TRIM44: variants seen among roughly 807,000 people sequenced by gnomAD.
TRIM44 encodes the protein tripartite motif containing 44.
A neutral mutation model predicts 37.4 loss-of-function variants in TRIM44; 13 were observed. The observed-to-expected ratio is 0.35, with a 90% confidence interval of 0.23 to 0.55. The LOEUF (loss-of-function observed/expected upper bound fraction) is 0.55, where lower values mean the gene tolerates loss of function less well. Among genes scored for constraint, TRIM44 ranks in the 20% least tolerant of loss-of-function variants. TRIM44 has a pLI of 0.89. For missense variants in TRIM44, 426 were observed against 437.2 expected, an observed-to-expected ratio of 0.97 and a Z score of 0.23; for synonymous variants, 175 against 157.2, an observed-to-expected ratio of 1.11 and a Z score of -0.85.
intron 4 of TRIM44, among the ~76,000 whole-genome samples, chr11:35,798,869 G>T (rs548094235): frequency 5.9e-5 from 9 of 152,302 alleles, no homozygotes; most frequent in African/African-American, 2.2e-4. Context: ...TATAGAAGGT[G>T]TATGGGGAAA....
Position 35,788,958 on chromosome 11 carries a change from T to C in TRIM44, c.1008-17400T>C, listed in dbSNP as rs753037208. On this transcript the variant is annotated intron_variant, in intron 4 of 4. Transcript: ENST00000299413. ...TCTTCTTTTTAACTCCTTTTTTCTT[T>C]CTTGTGTATATTTCAGCCTGAGGCC... Among the ~76,000 whole-genome samples, 75 of 152,348 alleles carry C rather than the reference T, an allele frequency of 4.9e-4. 1 individual carries two copies. The highest frequency in any genetic ancestry group is 1.4e-3 in the Admixed American group (22 of 15,310).
intron 1 of TRIM44, among the ~76,000 whole-genome samples, chr11:35,674,232 T>TTGTGTG (rs1590493418): frequency 9.2e-6 from 1 of 109,112 alleles, no homozygotes; most frequent in African/African-American, 4.1e-5. Context: ...GAGAGAGAAT[T>TTGTGTG]TGCGTGTGTG....
chr11:35,684,338 T>C (rs1851550960), intron 1 of TRIM44, among the ~76,000 whole-genome samples: 1 of 152,252 alleles, frequency 6.6e-6, no homozygotes, highest in African/African-American at 2.4e-5. Flanking sequence ...TACATCAAAA[T>C]CAATTTTACT....
intron 4 of TRIM44, among the ~76,000 whole-genome samples, chr11:35,763,990 G>A (rs1236457381): frequency 1.3e-5 from 2 of 152,132 alleles, no homozygotes; most frequent in African/African-American, 4.8e-5. Flanking sequence ...ACAGATGTTA[G>A]CCAGGAGGTC....
At chr11:35,694,904 C>A (rs1393977356) in intron 2 of TRIM44, among the ~76,000 whole-genome samples, 1 of 152,080 alleles carries the variant, frequency 6.6e-6, no homozygotes, top group Non-Finnish European at 1.5e-5. Flanking sequence ...CATAAAAAAG[C>A]TTCCTGGTGA....
intron 4 of TRIM44, among the ~76,000 whole-genome samples, chr11:35,777,405 C>T (rs11500306): frequency 0.026 from 3,899 of 152,178 alleles, 125 homozygotes; most frequent in African/African-American, 0.073. Flanking sequence ...TTGACTCTAT[C>T]CAGTTTGCCA....
At chr11:35,750,342 A>G (rs1454400983) in intron 4 of TRIM44, among the ~76,000 whole-genome samples, 1 of 152,188 alleles carries the variant, frequency 6.6e-6, no homozygotes, top group Non-Finnish European at 1.5e-5. Flanking sequence ...GCAGCCTACT[A>G]AAACATTCAT....
At chr11:35,747,682 A>G (rs549943478) in intron 4 of TRIM44, among the ~76,000 whole-genome samples, 1 of 152,160 alleles carries the variant, frequency 6.6e-6, no homozygotes, top group South Asian at 2.1e-4. Context: ...GAAAGTGCCT[A>G]AGGTGGAATG....
intron 2 of TRIM44, among the ~76,000 whole-genome samples, chr11:35,725,074 A>T (rs774198115): frequency 0.054 from 6,030 of 110,726 alleles, 390 homozygotes; most frequent in African/African-American, 0.15. Flanking sequence ...ACTCACACAC[A>T]CACACACACA....
chr11:35,743,384 G>A (rs945038313), intron 4 of TRIM44, among the ~76,000 whole-genome samples: 1 of 152,114 alleles, frequency 6.6e-6, no homozygotes, highest in Non-Finnish European at 1.5e-5. Flanking sequence ...GAATCTTACA[G>A]GTTTCTTCCT....
chr11:35,742,984 A>G (rs1398611335), intron 4 of TRIM44, among the ~76,000 whole-genome samples: 2 of 151,808 alleles, frequency 1.3e-5, no homozygotes, highest in Non-Finnish European at 1.5e-5. Flanking sequence ...GCTCTTAACT[A>G]TTGCAGTATA....
intron 2 of TRIM44, among the ~76,000 whole-genome samples, chr11:35,696,378 G>T (rs978973155): frequency 6.6e-6 from 1 of 151,032 alleles, no homozygotes; most frequent in African/African-American, 2.4e-5. Flanking sequence ...TCCTGACCTC[G>T]TGATCCACCT....
chr11:35,686,819 A>T (rs1291033336), intron 2 of TRIM44, among the ~76,000 whole-genome samples: 1 of 152,024 alleles, frequency 6.6e-6, no homozygotes, highest in Non-Finnish European at 1.5e-5. Context: ...CAGTCTCCCA[A>T]AGTGCTGGGA....
At chr11:35,761,154 A>G (rs1409368821) in intron 4 of TRIM44, among the ~76,000 whole-genome samples, 1 of 152,150 alleles carries the variant, frequency 6.6e-6, no homozygotes, top group Non-Finnish European at 1.5e-5. Context: ...CTAGTATTCC[A>G]TTGTGTATAT....
intron 4 of TRIM44, among the ~76,000 whole-genome samples, chr11:35,757,594 G>T (rs1363165282): frequency 1.3e-5 from 2 of 152,246 alleles, no homozygotes; most frequent in African/African-American, 4.8e-5. Flanking sequence ...TGATGTTAGG[G>T]TGTCAATTTT....
In TRIM44 at chr11:35,726,179, A is replaced by G; in HGVS notation, c.987+16A>G. ...AAAGGCAGAGGTAAAGGAAAAGCCC[A>G]TAATTATTAGTAGCAAGAGAAATAG... On this transcript the variant is annotated intron_variant, in intron 3 of 4. Transcript: ENST00000299413. The G allele has an allele frequency of 6.2e-7, 1 of 1,610,608 alleles. No homozygotes were observed. The highest frequency in any genetic ancestry group is 8.5e-7 in the Non-Finnish European group (1 of 1,177,776).
At chr11:35,663,904 T>C (rs1851305574) in intron 1 of TRIM44, 124 bp downstream of exon 1, 1 of 1,155,076 alleles carries the variant, frequency 8.7e-7, no homozygotes, top group African/African-American at 1.5e-5. Context: ...TTCCAACTTT[T>C]TGGGAGCAGT....
In TRIM44 at chr11:35,816,207, A is replaced by C. The variant is rs1853579025; in HGVS notation, c.*9822A>C. 6.6e-6 allele frequency: 1 copy of C among 152,138 alleles called. No homozygotes were observed. Among genetic ancestry groups the C allele is most frequent in the Non-Finnish European group, 1.5e-5 (1 of 68,016 alleles). 9.4% of individuals were successfully genotyped at this position (152,138 alleles called of 1,614,324 possible). On this transcript the variant is annotated 3_prime_UTR_variant, in exon 5 of 5. Transcript: ENST00000299413. ...ATTCTCAGATTTCAGATGTTTGGGA[A>C]ATTTCTCAGCTTGGGTCATTCTTCA...
intron 4 of TRIM44, among the ~76,000 whole-genome samples, chr11:35,796,703 G>C (rs1018330010): frequency 1.3e-5 from 2 of 152,180 alleles, no homozygotes; most frequent in Non-Finnish European, 2.9e-5. Context: ...GCAGCACTGG[G>C]GGGAGGAAAG....
Sources: gnomAD v4.1 joint callset for allele counts (sites outside exome capture counted in the v4.1 genomes callset) on GRCh38, gnomAD v4.1.1 for gene constraint, MANE v1.5 for transcripts, NCBI Gene and HGNC (gene_info 2026-07-23, HGNC 2026-07-21) for gene names.